TRAP1: variants seen among roughly 807,000 people sequenced by gnomAD.
TRAP1 encodes TNF receptor associated protein 1, also known as heat shock protein 75 kDa, mitochondrial.
In TRAP1, 102 loss-of-function variants were observed where a neutral mutation model predicts 89.1. The observed-to-expected ratio is 1.15, with a 90% confidence interval of 0.98 to 1.35. TRAP1 has a LOEUF of 1.35. Ranked by LOEUF, TRAP1 falls within the 40% of genes most tolerant of loss-of-function variation. The pLI is 0.00. For missense variants in TRAP1, 1,256 were observed against 945.3 expected, an observed-to-expected ratio of 1.33 and a Z score of -4.31; for synonymous variants, 508 against 388.0, an observed-to-expected ratio of 1.31 and a Z score of -3.64.
chr16:3,680,508 C>A (rs1273641073), intron 4 of TRAP1, among the ~76,000 whole-genome samples: 1 of 152,240 alleles, frequency 6.6e-6, no homozygotes, highest in Non-Finnish European at 1.5e-5. Flanking sequence ...CACCAGGAAG[C>A]AGGTGTTGGG....
chr16:3,690,024 T>TA (rs2051192261), intron 2 of TRAP1, among the ~76,000 whole-genome samples: 1 of 152,078 alleles, frequency 6.6e-6, no homozygotes, highest in Non-Finnish European at 1.5e-5. Flanking sequence ...CTTTTTTTTT[T>TA]AGAGGCAGGA....
intron 4 of TRAP1, among the ~76,000 whole-genome samples, chr16:3,684,069 G>A (rs551766267): frequency 4.6e-5 from 7 of 152,190 alleles, no homozygotes; most frequent in Non-Finnish European, 1.0e-4. Flanking sequence ...GGGGGGCTGA[G>A]GCAGGAGAAT....
intron 1 of TRAP1, among the ~76,000 whole-genome samples, chr16:3,701,670 C>T (rs78960408): frequency 6.6e-6 from 1 of 152,020 alleles, no homozygotes; most frequent in African/African-American, 2.4e-5. Context: ...ATGAACACAG[C>T]AAGCTCTCCA....
At chr16:3,676,456 G>C (rs1337841609) in intron 6 of TRAP1, 1 of 211,420 alleles carries the variant, frequency 4.7e-6, no homozygotes, top group Non-Finnish European at 9.3e-6. Flanking sequence ...GGGGCACTGT[G>C]GGGGACTGGC....
chr16:3,662,221 C>T lies in TRAP1; in HGVS notation c.1795-89G>A, dbSNP rs77852335. ...TTACCAGGGGTGAAGGTCACCCAGA[C>T]CACGAGGTAGCAGGCGGGGTCTCAA... On this transcript the variant is annotated intron_variant, in intron 15 of 17. Coordinates refer to ENST00000246957, the MANE Select transcript of TRAP1 (RefSeq NM_016292.3). The T allele has an allele frequency of 9.5e-5, 142 of 1,494,072 alleles. No homozygotes were observed. In the African/African-American group the frequency reaches 1.6e-3, roughly 17 times the overall value. The allele number at this position is 1,494,072 out of a possible 1,614,324, so 92.6% of individuals were successfully genotyped here.
intron 17 of TRAP1, 69 bp from the exon 18 acceptor site, chr16:3,658,299 CAG>C (rs1491474966): frequency 5.1e-4 from 643 of 1,249,810 alleles, no homozygotes; most frequent in Non-Finnish European, 6.4e-4. Context: ...TTTTTTGAGA[CAG>C]AGTCTCACTG....
chr16:3,667,975 C>A (rs1197873225), intron 11 of TRAP1, among the ~76,000 whole-genome samples: 1 of 138,226 alleles, frequency 7.2e-6, no homozygotes, highest in Non-Finnish European at 1.5e-5. Context: ...GTCGCCCAGG[C>A]TGGAGTGCAG....
At chr16:3,698,754 C>A (rs1286893171) in intron 1 of TRAP1, among the ~76,000 whole-genome samples, 1 of 151,948 alleles carries the variant, frequency 6.6e-6, no homozygotes, top group Admixed American at 6.6e-5. Context: ...AAAAAAACAG[C>A]CAGGTGTGGT....
At chr16:3,712,670 C>T (rs1266664310) in intron 1 of TRAP1, among the ~76,000 whole-genome samples, 1 of 152,154 alleles carries the variant, frequency 6.6e-6, no homozygotes, top group Non-Finnish European at 1.5e-5. Context: ...TGCAGTGGCA[C>T]AATCTTGGCT....
intron 7 of TRAP1, 26 bp from the exon 8 acceptor site, chr16:3,675,423 A>G: frequency 6.2e-7 from 1 of 1,611,576 alleles, no homozygotes; most frequent in Non-Finnish European, 8.5e-7. Flanking sequence ...GAAAAACCAC[A>G]CTGCATCTAC....
At chr16:3,685,462 C>G (rs2051126513) in intron 4 of TRAP1, among the ~76,000 whole-genome samples, 1 of 152,096 alleles carries the variant, frequency 6.6e-6, no homozygotes, top group African/African-American at 2.4e-5. Context: ...AGTCTGTCCA[C>G]CTCTCCACAG....
chr16:3,672,679 C>A, intron 10 of TRAP1, 21 bp downstream of exon 10: 1 of 1,599,456 alleles, frequency 6.3e-7, no homozygotes, highest in Non-Finnish European at 8.5e-7. Context: ...GGGCACTGCT[C>A]ACGGACTCTG....
At chr16:3,671,533 T>C (rs571243975) in intron 11 of TRAP1, among the ~76,000 whole-genome samples, 189 bp downstream of exon 11, 1 of 152,108 alleles carries the variant, frequency 6.6e-6, no homozygotes, top group East Asian at 1.9e-4. Flanking sequence ...CCCACCTTCT[T>C]CTGGACCACA....
At chr16:3,715,544 T>A (rs1357032747) in intron 1 of TRAP1, among the ~76,000 whole-genome samples, 1 of 152,046 alleles carries the variant, frequency 6.6e-6, no homozygotes, top group Non-Finnish European at 1.5e-5. Context: ...ATACAAAGCA[T>A]GAATCACAAA....
intron 11 of TRAP1, among the ~76,000 whole-genome samples, chr16:3,668,416 T>G (rs538734391): frequency 6.6e-6 from 1 of 152,306 alleles, no homozygotes; most frequent in East Asian, 1.9e-4. Context: ...ATGAAGAATG[T>G]GACATTTACA....
At chr16:3,667,893 G>A (rs1211862560) in intron 11 of TRAP1, among the ~76,000 whole-genome samples, 2 of 147,682 alleles carry the variant, frequency 1.4e-5, no homozygotes, top group Admixed American at 1.4e-4. Flanking sequence ...CAAGTAGCTG[G>A]GATTACAGGC....
chr16:3,705,769 T>C (rs1167268105), intron 1 of TRAP1, among the ~76,000 whole-genome samples: 1 of 152,058 alleles, frequency 6.6e-6, no homozygotes, highest in Non-Finnish European at 1.5e-5. Flanking sequence ...AACCTCTGCC[T>C]CCCGGGTTCA....
At chr16:3,675,064 C>T (rs955043163) in intron 8 of TRAP1, among the ~76,000 whole-genome samples, 5 of 152,190 alleles carry the variant, frequency 3.3e-5, no homozygotes, top group African/African-American at 1.2e-4. Flanking sequence ...CATGGCTGCA[C>T]ACTGATGTGG....
chr16:3,711,191 A>G (rs1361489322), intron 1 of TRAP1, among the ~76,000 whole-genome samples: 2 of 151,940 alleles, frequency 1.3e-5, no homozygotes, highest in Admixed American at 1.3e-4. Flanking sequence ...TTTACCTTCT[A>G]GCCACATTTC....
Sources: allele counts gnomAD v4.1 joint callset (sites outside exome capture counted in the v4.1 genomes callset), GRCh38; gene constraint gnomAD v4.1.1; transcripts MANE v1.5; gene names NCBI Gene and HGNC (gene_info 2026-07-23, HGNC 2026-07-21).